Variants in CNTN5 observed in about 807,000 individuals in gnomAD.
CNTN5 encodes the protein contactin 5.
CNTN5 carries 77 observed loss-of-function variants against 129.1 expected under a neutral mutation model. That is an observed-to-expected ratio of 0.60 (90% CI 0.50 to 0.72). CNTN5 has a LOEUF of 0.72. CNTN5 is among the 30% of genes least tolerant of loss of function. CNTN5 has a pLI of 0.00. For missense variants in CNTN5, 1,478 were observed against 1,328.8 expected (o/e 1.11, Z -1.75); for synonymous variants, 509 against 465.6 (o/e 1.09, Z -1.20).
At chr11:99,445,564 C>T (rs1297273571) in intron 2 of CNTN5, among the ~76,000 whole-genome samples, 1 of 152,082 alleles carries the variant, frequency 6.6e-6, no homozygotes, top group African/African-American at 2.4e-5. Context: ...TTATCTTTCC[C>T]ATATGTAAAA....
intron 3 of CNTN5, among the ~76,000 whole-genome samples, chr11:99,777,884 A>G (rs1945179989): frequency 1.3e-5 from 2 of 151,886 alleles, no homozygotes; most frequent in Non-Finnish European, 2.9e-5. Context: ...TACAGATTAT[A>G]TATAATACTA....
intron 1 of CNTN5, among the ~76,000 whole-genome samples, chr11:99,122,223 C>T (rs986670682): frequency 6.6e-6 from 1 of 151,894 alleles, no homozygotes; most frequent in Non-Finnish European, 1.5e-5. Context: ...ATTTACTATC[C>T]CTTGCTTTAG....
At chr11:99,449,371 A>C (rs1944206078) in intron 2 of CNTN5, among the ~76,000 whole-genome samples, 1 of 152,070 alleles carries the variant, frequency 6.6e-6, no homozygotes, top group South Asian at 2.1e-4. Flanking sequence ...TTCCCTGTGG[A>C]AAAAAAATGA....
At chr11:99,862,640 A>G (rs1298329596) in intron 6 of CNTN5, among the ~76,000 whole-genome samples, 1 of 152,046 alleles carries the variant, frequency 6.6e-6, no homozygotes, top group East Asian at 1.9e-4. Flanking sequence ...TTACTGATTA[A>G]TTATTAATTA....
intron 3 of CNTN5, among the ~76,000 whole-genome samples, chr11:99,726,522 C>G (rs1673841031): frequency 6.6e-6 from 1 of 152,128 alleles, no homozygotes; most frequent in Non-Finnish European, 1.5e-5. Flanking sequence ...TTACTGTAAG[C>G]TAAACTCTAT....
chr11:99,569,465 C>T (rs912889094), intron 3 of CNTN5, among the ~76,000 whole-genome samples: 2 of 152,122 alleles, frequency 1.3e-5, no homozygotes, highest in Non-Finnish European at 1.5e-5. Flanking sequence ...AGGTGTGCAC[C>T]ACCATGCCTG....
chr11:100,255,486 CATT>C (rs1346431751), intron 16 of CNTN5, among the ~76,000 whole-genome samples: 2 of 152,112 alleles, frequency 1.3e-5, no homozygotes, highest in African/African-American at 4.8e-5. Flanking sequence ...GTTTGTTTCT[CATT>C]ATTTTTTCTT....
intron 23 of CNTN5, among the ~76,000 whole-genome samples, chr11:100,347,334 TC>T (rs2139029976): frequency 6.6e-6 from 1 of 152,204 alleles, no homozygotes; most frequent in African/African-American, 2.4e-5. Context: ...TTGTAGCTCC[TC>T]CTTCATCTTA....
chr11:99,541,696 C>T (rs189457337), intron 2 of CNTN5, among the ~76,000 whole-genome samples: 99 of 152,208 alleles, frequency 6.5e-4, no homozygotes, highest in African/African-American at 2.3e-3. Context: ...CACCTGTAAT[C>T]CCAACACTAT....
chr11:99,081,794 G>T (rs1244314502), intron 1 of CNTN5, among the ~76,000 whole-genome samples: 1 of 152,082 alleles, frequency 6.6e-6, no homozygotes, highest in Non-Finnish European at 1.5e-5. Flanking sequence ...TGAATATTTT[G>T]TTAGATTAGC....
chr11:99,200,968 A>C (rs1016556757), intron 1 of CNTN5, among the ~76,000 whole-genome samples: 1 of 151,182 alleles, frequency 6.6e-6, no homozygotes, highest in African/African-American at 2.4e-5. Flanking sequence ...GCAACAAAAA[A>C]GTCTATTTAT....
At position 99,990,416 on chromosome 11, in the gene CNTN5, AAATTTATTGG is replaced by A. The variant is rs1291821087; in HGVS notation, c.878-11617_878-11608del. On this transcript the variant is annotated intron_variant, in intron 8 of 24. Transcript: ENST00000524871. ...TTCCAAAAAAAAATATTTTTAGAATAAATTTATTGGCTTCCCTTATTTTTAGAATATATAT... is the reference window on the plus strand; with the variant it reads ...TTCCAAAAAAAAATATTTTTAGAATACTTCCCTTATTTTTAGAATATATAT... Among the ~76,000 whole-genome samples, 599 of 149,554 alleles carry A rather than the reference AAATTTATTGG, an allele frequency of 4.0e-3. 4 individuals are homozygous for A. The highest frequency in any genetic ancestry group is 0.014 in the African/African-American group (555 of 39,892).
intron 1 of CNTN5, among the ~76,000 whole-genome samples, chr11:99,204,788 C>A (rs7948961): frequency 0.52 from 78,299 of 151,922 alleles, 20,421 homozygotes; most frequent in African/African-American, 0.61. Flanking sequence ...ATATAGTGGC[C>A]TGAGAGCTGG....
chr11:99,341,529 C>T lies in CNTN5; in HGVS notation c.-71+16045C>T, dbSNP rs565793147. ...AACTGCATGATTTGGAGCAAACCTT[C>T]ATTTTCTCAGGTTCTTCACCTGTAA... On this transcript the variant is annotated intron_variant, in intron 2 of 24. Transcript: ENST00000524871. Among the ~76,000 whole-genome samples, 5 of 152,248 alleles carry T rather than the reference C, an allele frequency of 3.3e-5. No individual in the cohort carries two copies. In the South Asian group the frequency reaches 1.0e-3, roughly 32 times the overall value.
intron 2 of CNTN5, among the ~76,000 whole-genome samples, chr11:99,527,748 C>T (rs1165634678): frequency 1.3e-5 from 2 of 152,168 alleles, no homozygotes; most frequent in African/African-American, 4.8e-5. Context: ...GACAGTACAA[C>T]TGCCAGGGCA....
intron 3 of CNTN5, among the ~76,000 whole-genome samples, chr11:99,768,989 T>G (rs2135322926): frequency 6.6e-6 from 1 of 152,162 alleles, no homozygotes; most frequent in East Asian, 1.9e-4. Flanking sequence ...CCTTCTATGT[T>G]TATGACCTGG....
intron 1 of CNTN5, among the ~76,000 whole-genome samples, chr11:99,178,693 T>A (rs922635341): frequency 3.3e-5 from 5 of 152,144 alleles, no homozygotes; most frequent in Non-Finnish European, 7.4e-5. Context: ...ATATTAAAAA[T>A]AAGTACTGTG....
chr11:100,114,051 T>C (rs1259339939), intron 13 of CNTN5, among the ~76,000 whole-genome samples: 1 of 152,088 alleles, frequency 6.6e-6, no homozygotes, highest in Admixed American at 6.6e-5. Flanking sequence ...CATGTAAGTA[T>C]CTTATTCTAC....
Position 99,255,800 on chromosome 11 carries a change from GCACACA to G in CNTN5, c.-209-69536_-209-69531del, listed in dbSNP as rs140725036. Among the ~76,000 whole-genome samples, 18 of 146,628 alleles carry G rather than the reference GCACACA, an allele frequency of 1.2e-4. No homozygotes were observed. The South Asian group carries it at 3.0e-3, about 25-fold the overall frequency. ...CACATACATGCATAAACACACACAC[GCACACA>G]CACACACACGCACACGCACACACAT... On this transcript the variant is annotated intron_variant, in intron 1 of 24. Transcript: ENST00000524871.
Sources: allele counts gnomAD v4.1 joint callset (sites outside exome capture counted in the v4.1 genomes callset), GRCh38; gene constraint gnomAD v4.1.1; transcripts MANE v1.5; gene names NCBI Gene and HGNC (gene_info 2026-07-23, HGNC 2026-07-21).